CCDC175: variants seen among roughly 807,000 people sequenced by gnomAD.
CCDC175 encodes the protein coiled-coil domain containing 175.
Under a neutral mutation model 114.6 loss-of-function variants are expected in CCDC175, and 100 were observed. The observed-to-expected ratio is 0.87, with a 90% CI of 0.74 to 1.03. CCDC175 has a LOEUF of 1.03. CCDC175 is among the 50% of genes least tolerant of loss of function. CCDC175 has a pLI of 0.00. For synonymous variants in CCDC175, 306 were observed against 308.7 expected (o/e 0.99, Z 0.09); for missense variants, 880 against 917.8 (o/e 0.96, Z 0.53).
At chr14:59,549,724 A>AAAAAAAAAAG (rs1228743141) in intron 8 of CCDC175, among the ~76,000 whole-genome samples, 1 of 150,818 alleles carries the variant, frequency 6.6e-6, no homozygotes, top group African/African-American at 2.4e-5. Flanking sequence ...TGTCTCAAAA[A>AAAAAAAAAAG]AAAAAAGAAA....
chr14:59,569,467 C>T (rs1896729662), intron 3 of CCDC175, among the ~76,000 whole-genome samples: 1 of 152,186 alleles, frequency 6.6e-6, no homozygotes, highest in East Asian at 1.9e-4. Context: ...GGCCAACTAA[C>T]TAAATTTGCA....
chr14:59,528,964 C>T (rs1412316681), intron 14 of CCDC175, among the ~76,000 whole-genome samples: 1 of 152,088 alleles, frequency 6.6e-6, no homozygotes, highest in South Asian at 2.1e-4. Context: ...ATGCTCTTTG[C>T]ATTTTCTCTG....
intron 14 of CCDC175, among the ~76,000 whole-genome samples, chr14:59,528,564 C>A (rs1893881096): frequency 6.6e-6 from 1 of 152,096 alleles, no homozygotes; most frequent in South Asian, 2.1e-4. Context: ...CCCACCCACA[C>A]CCACAACCTC....
chr14:59,523,612 A>T (rs1236880740), intron 16 of CCDC175, among the ~76,000 whole-genome samples: 1 of 152,238 alleles, frequency 6.6e-6, no homozygotes, highest in Admixed American at 6.5e-5. Flanking sequence ...CATTGATAAC[A>T]GATCTTGACC....
chr14:59,545,211 A>G lies in CCDC175; in HGVS notation c.1124T>C (p.Leu375Ser), dbSNP rs1414890824. Residue 375 changes from leucine (L) to serine (S), a missense_variant, in exon 9 of 20, where the codon TTA (leucine) becomes TCA (serine). Transcript: ENST00000537690. ...CAAAAAAGCTTTTTCTTCCTCACTTAAAACAATCTTATATTGTCTGGCAAG... is the reference window on the plus strand; with the variant it reads ...CAAAAAAGCTTTTTCTTCCTCACTTGAAACAATCTTATATTGTCTGGCAAG... ...KTLARQYKIVLSEEEKAFLQK... is the reference protein window; with the variant it reads ...KTLARQYKIVSSEEEKAFLQK... 1 of 1,536,802 alleles carries G rather than the reference A, an allele frequency of 6.5e-7. No homozygotes were observed. The highest frequency in any genetic ancestry group is 1.4e-5 in the African/African-American group (1 of 73,020).
intron 6 of CCDC175, among the ~76,000 whole-genome samples, chr14:59,562,050 G>A (rs1896249625): frequency 6.6e-6 from 1 of 152,194 alleles, no homozygotes; most frequent in African/African-American, 2.4e-5. Flanking sequence ...ACTCAAAATG[G>A]TTTCTTTCTC....
intron 19 of CCDC175, among the ~76,000 whole-genome samples, chr14:59,507,087 T>C (rs1220874212): frequency 6.6e-6 from 1 of 152,188 alleles, no homozygotes; most frequent in Admixed American, 6.5e-5. Context: ...GAAATAAAAT[T>C]AAGGCAAAAA....
chr14:59,530,650 T>C (rs1468778292), intron 14 of CCDC175, among the ~76,000 whole-genome samples: 6 of 152,156 alleles, frequency 3.9e-5, no homozygotes. Context: ...ATTATTATTA[T>C]AACATTCTTA....
At chr14:59,511,708 T>G in intron 18 of CCDC175, 52 bp downstream of exon 18, 1 of 1,447,846 alleles carries the variant, frequency 6.9e-7, no homozygotes, top group Non-Finnish European at 9.4e-7. Flanking sequence ...TAGGTAAACA[T>G]TTTTGGAAAT....
Position 59,521,672 on chromosome 14 carries a change from AT to A in CCDC175, c.1999del (p.Ile667PhefsTer4). The A allele has an allele frequency of 1.4e-6, 2 of 1,477,552 alleles. No individual in the cohort carries two copies. The highest frequency in any genetic ancestry group is 9.1e-7 in the Non-Finnish European group (1 of 1,093,076). 91.5% of individuals were successfully genotyped at this position (1,477,552 alleles called of 1,614,324 possible). A position where few individuals can be genotyped will look rare whatever the true frequency, so the allele number is the denominator to read the frequency against. ...LLENKKLKEY[I>X]LYLKNNIEKY... Reference sequence around the variant, plus strand: ...CTCTATGTTATTCTTCAAGTATAAAATATACTGAAAATTAAAAGCATGTGAT... The same window carrying A: ...CTCTATGTTATTCTTCAAGTATAAAAATACTGAAAATTAAAAGCATGTGAT... On this transcript the variant is annotated frameshift_variant, in exon 17 of 20. Coordinates refer to ENST00000537690, the MANE Select transcript of CCDC175 (RefSeq NM_001164399.2). LOFTEE classifies it high-confidence loss of function.
intron 13 of CCDC175, 50 bp downstream of exon 13, chr14:59,537,973 C>T (rs1249800035): frequency 1.5e-6 from 2 of 1,293,130 alleles, no homozygotes; most frequent in East Asian, 5.3e-5. Flanking sequence ...ATTCCCCCTC[C>T]CCCTCATGTA....
In CCDC175 at chr14:59,549,322, G is replaced by A. The variant is rs572738248; in HGVS notation, c.1035+2033C>T. Among the ~76,000 whole-genome samples the A allele has an allele frequency of 4.6e-5, 7 of 152,260 alleles. No homozygotes were observed. The South Asian group carries it at 1.2e-3, about 27-fold the overall frequency. ...TGAACTGAGGAGTTCACAACCAGCC[G>A]AGGCAACATAAAGCGACCTGTCTCT... is the stretch of plus-strand genomic sequence containing the variant. On this transcript the variant is annotated intron_variant, in intron 8 of 19. Coordinates refer to ENST00000537690, the MANE Select transcript of CCDC175 (RefSeq NM_001164399.2).
chr14:59,538,715 A>G lies in CCDC175; in HGVS notation c.1481T>C (p.Leu494Ser). 1 of 1,535,208 alleles carries G rather than the reference A, an allele frequency of 6.5e-7. No homozygotes were observed. The highest frequency in any genetic ancestry group is 8.7e-7 in the Non-Finnish European group (1 of 1,146,208). ...TTTCAGTTCTCTTACCTCGTTAAGTAATTCAATTCGTCTAACTTCTGCATT... is the reference window on the plus strand; with the variant it reads ...TTTCAGTTCTCTTACCTCGTTAAGTGATTCAATTCGTCTAACTTCTGCATT... ...IQNAEVRRIE[L>S]LNETSFRQQE... The change falls in exon 12 of 20, where the codon TTA (leucine) becomes TCA (serine). Residue 494 changes from leucine to serine, a missense_variant. By Grantham distance (145) the Leu-to-Ser change is moderately radical. Transcript: ENST00000537690.
chr14:59,538,779 T>C lies in CCDC175; in HGVS notation c.1417A>G (p.Ile473Val). 6.5e-7 allele frequency: 1 copy of C among 1,537,068 alleles called. No individual in the cohort carries two copies. The highest frequency in any genetic ancestry group is 8.7e-7 in the Non-Finnish European group (1 of 1,146,722). ...GTAATAGCTTGTATTTCAGCTTTTA[T>C]CTTGGCTGTCCAACGTGCATGCTTT... ...RKKHARWTAK[I>V]KAEIQAITEK... Residue 473 changes from isoleucine to valine, a missense_variant, in exon 12 of 20, where the codon ATA becomes GTA. Transcript: ENST00000537690.
intron 6 of CCDC175, among the ~76,000 whole-genome samples, chr14:59,563,341 G>A (rs1896332026): frequency 1.3e-5 from 2 of 152,014 alleles, no homozygotes; most frequent in African/African-American, 2.4e-5. Flanking sequence ...GTACTCAATA[G>A]AGAGCCTAAA....
At chr14:59,542,249 A>G (rs78177356) in intron 10 of CCDC175, among the ~76,000 whole-genome samples, 6,262 of 152,278 alleles carry the variant, frequency 0.041, 166 homozygotes, top group Non-Finnish European at 0.06. Context: ...TGTTTTATAT[A>G]ATTCACTGTC....
At chr14:59,517,163 T>C (rs370324662) in intron 17 of CCDC175, among the ~76,000 whole-genome samples, 1 of 152,132 alleles carries the variant, frequency 6.6e-6, no homozygotes, top group African/African-American at 2.4e-5. Flanking sequence ...ATTGATGGGA[T>C]GTATCTCAAA....
intron 8 of CCDC175, among the ~76,000 whole-genome samples, 162 bp from the exon 9 acceptor site, chr14:59,545,461 G>T (rs1895045359): frequency 1.3e-5 from 2 of 151,876 alleles, no homozygotes. Flanking sequence ...ACATACAACT[G>T]TATATTTTGA....
chr14:59,559,491 G>T (rs1757659401), intron 7 of CCDC175, among the ~76,000 whole-genome samples: 1 of 152,132 alleles, frequency 6.6e-6, no homozygotes, highest in African/African-American at 2.4e-5. Context: ...TAACCAGCTT[G>T]CAATTTAAAG....
Sources: allele counts gnomAD v4.1 joint callset (sites outside exome capture counted in the v4.1 genomes callset), GRCh38; gene constraint gnomAD v4.1.1; transcripts MANE v1.5; gene names NCBI Gene and HGNC (gene_info 2026-07-23, HGNC 2026-07-21).